The following NRXN1 variants were observed in gnomAD, a reference collection of about 807,000 sequenced individuals.
NRXN1 encodes the protein neurexin-1.
Under a neutral mutation model 150.9 loss-of-function variants are expected in NRXN1, and 39 were observed. The observed-to-expected ratio is 0.26, with a 90% CI of 0.20 to 0.34. The LOEUF is 0.34. NRXN1 is among the 10% of genes least tolerant of loss of function. The pLI is 1.00. For missense variants in NRXN1, 1,815 were observed against 1,949.9 expected, an observed-to-expected ratio of 0.93 and a Z score of 1.30; for synonymous variants, 924 against 757.0, an observed-to-expected ratio of 1.22 and a Z score of -3.62.
intron 18 of NRXN1, among the ~76,000 whole-genome samples, chr2:50,181,496 C>G (rs924308861): frequency 7.9e-5 from 12 of 152,046 alleles, no homozygotes. Context: ...GTAGTGGCCT[C>G]GTTATGAGGG....
chr2:50,745,889 G>A (rs1263563661), intron 5 of NRXN1, among the ~76,000 whole-genome samples: 1 of 152,036 alleles, frequency 6.6e-6, no homozygotes, highest in African/African-American at 2.4e-5. Flanking sequence ...TACAATTCAA[G>A]ATGAAATTTG....
chr2:50,562,035 T>G (rs551173733), intron 8 of NRXN1, among the ~76,000 whole-genome samples: 15 of 152,242 alleles, frequency 9.9e-5, no homozygotes, highest in Admixed American at 5.2e-4. Context: ...CTAGTTTCAA[T>G]GGGGGAAAAG....
At chr2:50,576,766 T>A (rs1446492586) in intron 8 of NRXN1, among the ~76,000 whole-genome samples, 1 of 152,060 alleles carries the variant, frequency 6.6e-6, no homozygotes, top group Admixed American at 6.6e-5. Context: ...TTTAAAGCAT[T>A]GTCAATTTAT....
intron 5 of NRXN1, among the ~76,000 whole-genome samples, chr2:50,647,564 C>T (rs577774298): frequency 6.6e-5 from 10 of 151,956 alleles, no homozygotes; most frequent in Non-Finnish European, 1.5e-4. Context: ...TGCAAAGTAG[C>T]GCATACTATG....
At chr2:50,976,107 T>A (rs1318541763) in intron 2 of NRXN1, among the ~76,000 whole-genome samples, 1 of 152,050 alleles carries the variant, frequency 6.6e-6, no homozygotes, top group Non-Finnish European at 1.5e-5. Context: ...TATTTTCTGA[T>A]GAGGACTTGT....
At chr2:50,151,011 A>C (rs1435993041) in intron 18 of NRXN1, among the ~76,000 whole-genome samples, 2 of 151,766 alleles carry the variant, frequency 1.3e-5, no homozygotes, top group East Asian at 3.9e-4. Flanking sequence ...TTTGTTTCCC[A>C]CAGGGGCTAA....
At chr2:50,784,862 A>T (rs1704858134) in intron 5 of NRXN1, among the ~76,000 whole-genome samples, 1 of 151,958 alleles carries the variant, frequency 6.6e-6, no homozygotes. Context: ...ACACAATGAG[A>T]TCCTCTCTCC....
At chr2:50,141,582 A>G (rs146402201) in intron 18 of NRXN1, among the ~76,000 whole-genome samples, 89 of 152,208 alleles carry the variant, frequency 5.8e-4, no homozygotes, top group Middle Eastern at 6.8e-3. Context: ...TATCCAGAAT[A>G]AACAAGGAGC....
intron 21 of NRXN1, among the ~76,000 whole-genome samples, chr2:50,031,301 T>A (rs1294697922): frequency 6.6e-6 from 1 of 152,006 alleles, no homozygotes; most frequent in African/African-American, 2.4e-5. Context: ...TGTGTTTTTT[T>A]AAAAACGTAA....
intron 16 of NRXN1, chr2:50,466,527 ATG>A (rs1558780715): frequency 2.2e-6 from 1 of 461,102 alleles, no homozygotes; most frequent in Admixed American, 2.4e-5. Context: ...AATATATTAA[ATG>A]TTAGTAAGCA....
At chr2:50,588,827 T>A (rs1199118742) in intron 8 of NRXN1, 1 of 152,110 alleles carries the variant, frequency 6.6e-6, no homozygotes, top group African/African-American at 2.4e-5. Flanking sequence ...ACTAAATACT[T>A]TGACGCCAGT....
At chr2:50,707,108 G>C (rs760860558) in intron 5 of NRXN1, among the ~76,000 whole-genome samples, 6 of 152,064 alleles carry the variant, frequency 3.9e-5, no homozygotes, top group Non-Finnish European at 8.8e-5. Context: ...ATTTTCTAAA[G>C]GAAAATAGGT....
intron 12 of NRXN1, among the ~76,000 whole-genome samples, chr2:50,527,211 C>T (rs962742881): frequency 6.6e-6 from 1 of 152,124 alleles, no homozygotes; most frequent in Non-Finnish European, 1.5e-5. Context: ...ATCAAGAAAA[C>T]CTACAGCCAG....
chr2:50,287,767 T>C lies in NRXN1; in HGVS notation c.3365-50797A>G, dbSNP rs186024585. Among the ~76,000 whole-genome samples, 28 of 152,324 alleles carry C rather than the reference T, an allele frequency of 1.8e-4. No individual in the cohort carries two copies. The East Asian group carries it at 4.2e-3, about 23-fold the overall frequency. ...AAAATAAGTGTTAGTTGCTTGCTGA[T>C]AAGAAGATTTAATTTCCCATATGTT... On this transcript the variant is annotated intron_variant, in intron 17 of 22. Transcript: ENST00000401669.
chr2:50,521,626 C>T (rs531286954), intron 12 of NRXN1, among the ~76,000 whole-genome samples: 5 of 152,234 alleles, frequency 3.3e-5, no homozygotes, highest in Admixed American at 3.3e-4. Context: ...AGAGCCTTGC[C>T]CACTTGACTT....
intron 17 of NRXN1, among the ~76,000 whole-genome samples, chr2:50,307,403 A>T (rs1023383583): frequency 3.3e-5 from 5 of 152,206 alleles, no homozygotes; most frequent in Non-Finnish European, 5.9e-5. Context: ...CTGATTCTGA[A>T]TATCTCTAAA....
At chr2:50,554,153 C>CAT (rs147139531) in intron 8 of NRXN1, among the ~76,000 whole-genome samples, 5,131 of 151,494 alleles carry the variant, frequency 0.034, 253 homozygotes, top group African/African-American at 0.12. Context: ...TAAAAATGTA[C>CAT]ATATATATAT....
At chr2:50,584,852 T>C (rs1672837163) in intron 8 of NRXN1, among the ~76,000 whole-genome samples, 1 of 152,152 alleles carries the variant, frequency 6.6e-6, no homozygotes, top group Non-Finnish European at 1.5e-5. Flanking sequence ...AATATGAGAA[T>C]CTCAGCCCCA....
At position 50,347,386 on chromosome 2, in the gene NRXN1, C is replaced by CACT. The variant is rs1427367282; in HGVS notation, c.3365-110419_3365-110417dup. On this transcript the variant is annotated intron_variant, in intron 17 of 22. Transcript: ENST00000401669. The surrounding 1 kb of genome is among the most constrained non-coding windows in gnomAD (Gnocchi z 4.9). ...ACATGACAGACATCCACCGCGAATC[C>CACT]ACTAGGTAAATCCATTTAGCTTTGT... 15 of 1,190,960 alleles carry CACT rather than the reference C, an allele frequency of 1.3e-5. No homozygotes were observed. The highest frequency in any genetic ancestry group is 6.4e-6 in the Non-Finnish European group (6 of 942,498). The allele number at this position is 1,190,960 out of a possible 1,614,324, so 73.8% of individuals were successfully genotyped here.
Sources: gnomAD v4.1 joint callset for allele counts (sites outside exome capture counted in the v4.1 genomes callset) on GRCh38, gnomAD v4.1.1 for gene constraint, Gnocchi (gnomAD v3.1) non-coding constraint, MANE v1.5 for transcripts, NCBI Gene and HGNC (gene_info 2026-07-23, HGNC 2026-07-21) for gene names.